MACROD2: variants seen among roughly 807,000 people sequenced by gnomAD.
MACROD2 encodes the protein mono-ADP ribosylhydrolase 2, also known as ADP-ribose glycohydrolase MACROD2.
A neutral mutation model predicts 70.4 loss-of-function variants in MACROD2; 36 were observed. That is an observed-to-expected ratio of 0.51 (90% CI 0.39 to 0.68). The LOEUF (loss-of-function observed/expected upper bound fraction) is 0.68, where lower values mean the gene tolerates loss of function less well. Among genes scored for constraint, MACROD2 ranks in the 30% least tolerant of loss-of-function variants. MACROD2 has a pLI of 0.00. For missense variants in MACROD2, 496 were observed against 538.4 expected, an observed-to-expected ratio of 0.92 and a Z score of 0.78; for synonymous variants, 172 against 178.8, an observed-to-expected ratio of 0.96 and a Z score of 0.30.
chr20:15,679,236 CAAA>C (rs35869757), intron 8 of MACROD2, among the ~76,000 whole-genome samples: 3 of 109,336 alleles, frequency 2.7e-5, no homozygotes. Context: ...GACTCCATCT[CAAA>C]AAAAAAAAAA....
At chr20:14,945,983 G>A (rs901049829) in intron 5 of MACROD2, among the ~76,000 whole-genome samples, 6 of 152,114 alleles carry the variant, frequency 3.9e-5, no homozygotes, top group African/African-American at 1.4e-4. Flanking sequence ...CGAGGTGGGT[G>A]GATCACCTGA....
At chr20:14,357,506 C>T (rs371068759) in intron 3 of MACROD2, among the ~76,000 whole-genome samples, 1 of 152,148 alleles carries the variant, frequency 6.6e-6, no homozygotes, top group Non-Finnish European at 1.5e-5. Context: ...TACACTCCTT[C>T]TTTCTTGGTT....
chr20:15,822,614 T>C (rs1240529652), intron 8 of MACROD2, among the ~76,000 whole-genome samples: 2 of 152,224 alleles, frequency 1.3e-5, no homozygotes, highest in Non-Finnish European at 2.9e-5. Flanking sequence ...AACAGCATTA[T>C]TGAATGATAA....
At chr20:15,772,041 C>A (rs1415476707) in intron 8 of MACROD2, among the ~76,000 whole-genome samples, 2 of 143,328 alleles carry the variant, frequency 1.4e-5, no homozygotes, top group Non-Finnish European at 3.0e-5. Flanking sequence ...GCCGAGATCG[C>A]GCCACTGCAC....
chr20:15,858,309 T>TG (rs2064380959), intron 8 of MACROD2, among the ~76,000 whole-genome samples: 1 of 152,154 alleles, frequency 6.6e-6, no homozygotes, highest in African/African-American at 2.4e-5. Flanking sequence ...ACAATGCTCC[T>TG]GGGCCTCAAT....
At chr20:14,179,279 A>G (rs2081288434) in intron 3 of MACROD2, among the ~76,000 whole-genome samples, 1 of 152,182 alleles carries the variant, frequency 6.6e-6, no homozygotes, top group African/African-American at 2.4e-5. Context: ...TCTGATTGTA[A>G]GAAGATATGT....
chr20:15,494,385 G>T (rs1187748597), intron 7 of MACROD2, among the ~76,000 whole-genome samples: 1 of 151,766 alleles, frequency 6.6e-6, no homozygotes, highest in Non-Finnish European at 1.5e-5. Flanking sequence ...AATGTTCATG[G>T]CAGCTTTATT....
At chr20:15,472,871 A>G (rs1314593056) in intron 7 of MACROD2, among the ~76,000 whole-genome samples, 1 of 152,074 alleles carries the variant, frequency 6.6e-6, no homozygotes, top group East Asian at 1.9e-4. Flanking sequence ...TCTTATTTAA[A>G]TCCCATTATT....
chr20:14,861,013 C>G (rs1268615666), intron 5 of MACROD2, among the ~76,000 whole-genome samples: 2 of 152,006 alleles, frequency 1.3e-5, no homozygotes, highest in African/African-American at 2.4e-5. Context: ...TTTATCAGTT[C>G]AGCAGTTCAC....
intron 5 of MACROD2, among the ~76,000 whole-genome samples, chr20:15,041,713 G>A (rs999815312): frequency 2.0e-5 from 3 of 151,964 alleles, no homozygotes; most frequent in Non-Finnish European, 4.4e-5. Flanking sequence ...CAAAGTGCTG[G>A]GATTACAGGT....
chr20:15,461,006 A>ATATATATATATATATTTATTTTTTTT, intron 7 of MACROD2, among the ~76,000 whole-genome samples: 1 of 66,992 alleles, frequency 1.5e-5, no homozygotes, highest in Non-Finnish European at 3.3e-5. Context: ...ATATATATAT[A>ATATATATATATATATTTATTTTTTTT]TTTTTTTTTA....
chr20:16,018,247 A>G (rs1241880742), intron 15 of MACROD2, among the ~76,000 whole-genome samples: 2 of 152,218 alleles, frequency 1.3e-5, no homozygotes, highest in Admixed American at 6.5e-5. Context: ...GAAATGCAGC[A>G]GTGAGATCAT....
chr20:14,226,668 G>A (rs1235164548), intron 3 of MACROD2, among the ~76,000 whole-genome samples: 1 of 152,232 alleles, frequency 6.6e-6, no homozygotes, highest in Non-Finnish European at 1.5e-5. Context: ...GCTGCGGAGG[G>A]TGTACTGGGT....
rs59129207 is a variant in MACROD2, at chr20:15,227,823, G to GTTTTTTTTTTTTTTTTTTTTTTTTTTT, written c.419-2091_419-2090insTTTTTTTTTTTTTTTTTTTTTTTTTTT. On this transcript the variant is annotated intron_variant, in intron 5 of 17. Transcript: ENST00000684519. ...TAACTGGTGTGATAGAATTTCACCT[G>GTTTTTTTTTTTTTTTTTTTTTTTTTTT]TTTTTTTTTTTTTTTTTTTTTTTTT... Among the ~76,000 whole-genome samples the GTTTTTTTTTTTTTTTTTTTTTTTTTTT allele has an allele frequency of 3.0e-4, 14 of 46,104 alleles. 5 individuals carry two copies. The highest frequency in any genetic ancestry group is 1.2e-3 in the East Asian group (2 of 1,718). 30.2% of individuals were successfully genotyped at this position (46,104 alleles called of 152,430 possible). A position where few individuals can be genotyped will look rare whatever the true frequency, so the allele number is the denominator to read the frequency against.
chr20:14,359,075 C>T (rs2083198774), intron 3 of MACROD2, among the ~76,000 whole-genome samples: 2 of 151,996 alleles, frequency 1.3e-5, no homozygotes, highest in Admixed American at 6.6e-5. Flanking sequence ...GTAGTCCCAG[C>T]TACTTGGCAG....
intron 15 of MACROD2, among the ~76,000 whole-genome samples, chr20:16,028,746 G>T (rs1322055127): frequency 6.6e-6 from 1 of 152,158 alleles, no homozygotes; most frequent in Non-Finnish European, 1.5e-5. Context: ...TGGAGAGGGG[G>T]CCAAATGTGT....
chr20:15,771,863 T>A (rs1568552060), intron 8 of MACROD2, among the ~76,000 whole-genome samples: 1 of 146,562 alleles, frequency 6.8e-6, no homozygotes, highest in East Asian at 2.1e-4. Context: ...GGTGGGCGGA[T>A]CAAAAGGTCG....
At chr20:15,563,600 G>C (rs1026963272) in intron 8 of MACROD2, among the ~76,000 whole-genome samples, 3 of 152,162 alleles carry the variant, frequency 2.0e-5, no homozygotes, top group Non-Finnish European at 4.4e-5. Context: ...TTAGTAGACA[G>C]CAGAGAAAAA....
At chr20:14,162,069 A>T (rs538062000) in intron 3 of MACROD2, among the ~76,000 whole-genome samples, 3 of 151,948 alleles carry the variant, frequency 2.0e-5, no homozygotes, top group Admixed American at 6.6e-5. Flanking sequence ...CATAGGTTTG[A>T]TTTGTTGTGT....
Sources: allele counts gnomAD v4.1 joint callset (sites outside exome capture counted in the v4.1 genomes callset), GRCh38; gene constraint gnomAD v4.1.1; transcripts MANE v1.5; gene names NCBI Gene and HGNC (gene_info 2026-07-23, HGNC 2026-07-21).